The following LATS1 variants were observed in gnomAD, a reference collection of about 807,000 sequenced individuals.
LATS1 encodes large tumor suppressor kinase 1, also known as serine/threonine-protein kinase LATS1.
In LATS1, 25 loss-of-function variants were observed where a neutral mutation model predicts 106.6. That is an observed-to-expected ratio of 0.23 (90% CI 0.17 to 0.33). LATS1 has a LOEUF of 0.33. Among genes scored for constraint, LATS1 ranks in the 10% least tolerant of loss-of-function variants. LATS1 has a pLI of 1.00. For missense variants in LATS1, 1,040 were observed against 1,382.6 expected, an observed-to-expected ratio of 0.75 and a Z score of 3.93; for synonymous variants, 465 against 455.6, an observed-to-expected ratio of 1.02 and a Z score of -0.26.
At chr6:149,689,371 G>T (rs1234654081) in intron 3 of LATS1, among the ~76,000 whole-genome samples, 1 of 147,824 alleles carries the variant, frequency 6.8e-6, no homozygotes, top group East Asian at 2.0e-4. Context: ...TCTGATTAAG[G>T]ATTTAAATTA....
chr6:149,683,081 G>T lies in LATS1; in HGVS notation c.2008C>A (p.Arg670=). The stretch of plus-strand genomic sequence containing the variant: ...ATGGACATTTTAAAAGGTTTTACCC[G>T]CATCATTTCATTCTCTAATTGTTTT... ...RKKQLENEMM[R]VGLSQDAQDQ... is the part of the protein sequence containing the mutation. The change falls in exon 4 of 8, where the codon CGG becomes AGG. Residue 670 remains arginine (R), a splice_region_variant and synonymous_variant. Transcript: ENST00000543571. 4 of 1,607,670 alleles carry T rather than the reference G, an allele frequency of 2.5e-6. No homozygotes were observed. The highest frequency in any genetic ancestry group is 3.4e-6 in the Non-Finnish European group (4 of 1,176,592).
chr6:149,667,927 CAT>C (rs894905651), intron 7 of LATS1, among the ~76,000 whole-genome samples: 20 of 152,196 alleles, frequency 1.3e-4, no homozygotes, highest in African/African-American at 4.8e-4. Flanking sequence ...AGTGATAATA[CAT>C]ATATTTTTTG....
Position 149,680,150 on chromosome 6 carries a change from T to C in LATS1, c.2318A>G (p.Gln773Arg). ...TACAAAGTATAAATTGTCCTTATCT[T>C]GGAATGAATAATATAGACGAACTAC... ...EWVVRLYYSF[Q>R]DKDNLYFVMD... Residue 773 changes from glutamine (Q) to arginine (R), a missense_variant, in exon 5 of 8, where the codon CAA (glutamine) becomes CGA (arginine). Around this residue, in one of 7 missense-constraint regions of LATS1, gnomAD observed 167 missense variants for 332.1 expected, o/e 0.50. Coordinates refer to ENST00000543571, the MANE Select transcript of LATS1 (RefSeq NM_004690.4). 6.2e-7 allele frequency: 1 copy of C among 1,614,092 alleles called. No individual in the cohort carries two copies. The highest frequency in any genetic ancestry group is 1.1e-5 in the South Asian group (1 of 91,082).
At position 149,683,301 on chromosome 6, in the gene LATS1, A is replaced by C; in HGVS notation, c.1788T>G (p.Ser596Arg). The change falls in exon 4 of 8, where the codon AGT (serine) becomes AGG (arginine). Residue 596 changes from serine to arginine, a missense_variant. By Grantham distance (110) the Ser-to-Arg change is moderately radical (BLOSUM62 -1). This residue lies in a region of LATS1 where 167 missense variants were observed against 332.1 expected (regional missense o/e 0.50). Coordinates refer to ENST00000543571, the MANE Select transcript of LATS1 (RefSeq NM_004690.4). ...TATCCCCACTATCAACATTTTCATA[A>C]CTCTTTTCACTCTCATCTTCCTTGG... ...SLPKEDESEKSYENVDSGDKE... is the reference protein window; with the variant it reads ...SLPKEDESEKRYENVDSGDKE... 1.9e-6 allele frequency: 3 copies of C among 1,613,900 alleles called. No homozygotes were observed. Among genetic ancestry groups the C allele is most frequent in the Non-Finnish European group, 2.5e-6 (3 of 1,179,962 alleles).
At position 149,705,441 on chromosome 6, in the gene LATS1, T is replaced by C. The variant is rs1175670081; in HGVS notation, c.-140-3175A>G. On this transcript the variant is annotated intron_variant, in intron 1 of 7. Coordinates refer to ENST00000543571, the MANE Select transcript of LATS1 (RefSeq NM_004690.4). ...ATTAACACTGTTGTGGAATCTTACA[T>C]GTCAGTTCTTTTAGTATCTGGATTG... Among the ~76,000 whole-genome samples, 9 of 152,172 alleles carry C rather than the reference T, an allele frequency of 5.9e-5. No homozygotes were observed. In the South Asian group the frequency reaches 1.9e-3, roughly 31 times the overall value.
At chr6:149,670,186 A>G (rs1217316386) in intron 7 of LATS1, among the ~76,000 whole-genome samples, 3 of 146,544 alleles carry the variant, frequency 2.0e-5, no homozygotes, top group East Asian at 2.0e-4. Context: ...AAAAAAAAAA[A>G]AAAAAAAGAA....
intron 2 of LATS1, among the ~76,000 whole-genome samples, chr6:149,697,412 T>C (rs1166761598): frequency 2.0e-5 from 3 of 152,214 alleles, no homozygotes; most frequent in Non-Finnish European, 2.9e-5. Context: ...TGCTAGAGCA[T>C]GTTGCCACCA....
At position 149,695,193 on chromosome 6, in the gene LATS1, G is replaced by C. The variant is rs201150254; in HGVS notation, c.377C>G (p.Thr126Ser). The C allele has an allele frequency of 1.9e-5, 31 of 1,605,102 alleles. No homozygotes were observed. The highest frequency in any genetic ancestry group is 2.6e-5 in the Non-Finnish European group (30 of 1,174,098). ...TGCTGCTTCTATACTTCTGTTGTTA[G>C]TTTTCTGAAGAGCTTGTATAACCAT... is the stretch of plus-strand genomic sequence containing the variant. ...EDMVIQALQK[T>S]NNRSIEAAIE... The change falls in exon 3 of 8, where the codon ACT becomes AGT. Residue 126 changes from threonine (T) to serine (S), a missense_variant. By Grantham distance (58) the Thr-to-Ser change is moderately conservative (BLOSUM62 1). Transcript: ENST00000543571.
At chr6:149,682,413 T>C (rs1334582896) in intron 4 of LATS1, among the ~76,000 whole-genome samples, 2 of 151,482 alleles carry the variant, frequency 1.3e-5, no homozygotes, top group Admixed American at 1.3e-4. Flanking sequence ...TATTTCTTTT[T>C]TCTTTTTTTT....
At chr6:149,710,143 C>T (rs923191199) in intron 1 of LATS1, among the ~76,000 whole-genome samples, 9 of 152,162 alleles carry the variant, frequency 5.9e-5, no homozygotes, top group Non-Finnish European at 1.3e-4. Context: ...GTACATCTTA[C>T]ATATACTGAT....
chr6:149,705,749 TA>T (rs1436231809), intron 1 of LATS1, among the ~76,000 whole-genome samples: 1 of 152,114 alleles, frequency 6.6e-6, no homozygotes, highest in African/African-American at 2.4e-5. Flanking sequence ...TTTCTGCTGT[TA>T]AAAAAATACA....
intron 2 of LATS1, among the ~76,000 whole-genome samples, chr6:149,700,201 T>C (rs1783372962): frequency 6.6e-6 from 1 of 152,116 alleles, no homozygotes; most frequent in South Asian, 2.1e-4. Context: ...TTCAGCTGGG[T>C]GTGGTGGCTC....
chr6:149,672,221 T>C (rs371276333), intron 7 of LATS1, among the ~76,000 whole-genome samples: 6 of 150,620 alleles, frequency 4.0e-5, no homozygotes, highest in Admixed American at 1.3e-4. Context: ...CTTTTCTTTT[T>C]TTTTTTGACA....
intron 5 of LATS1, among the ~76,000 whole-genome samples, chr6:149,677,220 G>A (rs1781769507): frequency 6.6e-6 from 1 of 152,218 alleles, no homozygotes; most frequent in Admixed American, 6.5e-5. Flanking sequence ...TAACAAATGT[G>A]ACTGGATAGC....
Position 149,659,368 on chromosome 6 carries a change from G to T in LATS1, c.*2361C>A. ...CCAGCTACTTGGGAGGCTGAGGCGG[G>T]AGGACTGCGTGAGCCCCCAAGGTTG... On this transcript the variant is annotated 3_prime_UTR_variant, in exon 8 of 8. Coordinates refer to ENST00000543571, the MANE Select transcript of LATS1 (RefSeq NM_004690.4). The T allele has an allele frequency of 5.0e-6, 1 of 201,382 alleles. No homozygotes were observed. Among genetic ancestry groups the T allele is most frequent in the South Asian group, 1.9e-4 (1 of 5,270 alleles). The allele number at this position is 201,382 out of a possible 1,614,324, so 12.5% of individuals were successfully genotyped here.
At position 149,676,259 on chromosome 6, in the gene LATS1, C is replaced by A; in HGVS notation, c.2883+1G>T. On this transcript the variant is annotated splice_donor_variant, in intron 7 of 7. Transcript: ENST00000543571. LOFTEE classifies it high-confidence loss of function. ...CTTTTGATATAGATGCCATACCTTA[C>A]CTTCATTTGTGTTTCTAATGGTGTT... The A allele has an allele frequency of 6.3e-7, 1 of 1,593,814 alleles. No homozygotes were observed. Among genetic ancestry groups the A allele is most frequent in the Non-Finnish European group, 8.6e-7 (1 of 1,161,502 alleles).
intron 1 of LATS1, among the ~76,000 whole-genome samples, chr6:149,714,814 A>G (rs1410109667): frequency 6.6e-6 from 1 of 152,198 alleles, no homozygotes; most frequent in African/African-American, 2.4e-5. Context: ...GAATGTGAAT[A>G]AGGCTGAGAC....
chr6:149,684,711 T>A (rs1782266468), intron 3 of LATS1, 119 bp from the exon 4 acceptor site: 1 of 692,928 alleles, frequency 1.4e-6, no homozygotes, highest in Non-Finnish European at 2.3e-6. Flanking sequence ...TCAAGAATTA[T>A]AAAAATATAA....
chr6:149,684,239 C>T lies in LATS1; in HGVS notation c.850G>A (p.Val284Ile), dbSNP rs775410465. 82 of 1,613,924 alleles carry T rather than the reference C, an allele frequency of 5.1e-5. No individual in the cohort carries two copies. Among genetic ancestry groups the T allele is most frequent in the Middle Eastern group, 1.6e-4 (1 of 6,084 alleles). ...GGGACAGGAGAGATTCGGGAGATTACGTATTCCATGTTTCCAGAATAGCGC... is the reference window on the plus strand; with the variant it reads ...GGGACAGGAGAGATTCGGGAGATTATGTATTCCATGTTTCCAGAATAGCGC... Reference protein sequence around the residue: ...TKRYSGNMEYVISRISPVPPG... With the variant: ...TKRYSGNMEYIISRISPVPPG... The change falls in exon 4 of 8, where the codon GTA becomes ATA. Residue 284 changes from valine (V) to isoleucine (I), a missense_variant. Val to Ile is a conservative substitution (Grantham distance 29, BLOSUM62 3). This residue lies in a region of LATS1 where 624 missense variants were observed against 714.8 expected (regional missense o/e 0.87). Coordinates refer to ENST00000543571, the MANE Select transcript of LATS1 (RefSeq NM_004690.4).
Sources: allele counts gnomAD v4.1 joint callset (sites outside exome capture counted in the v4.1 genomes callset), GRCh38; gene constraint gnomAD v4.1.1; regional missense constraint gnomAD v4.1.1; transcripts MANE v1.5; gene names NCBI Gene and HGNC (gene_info 2026-07-23, HGNC 2026-07-21).